NTN1: variants seen among roughly 807,000 people sequenced by gnomAD.
NTN1 encodes netrin 1.
Under a neutral mutation model 54.2 loss-of-function variants are expected in NTN1, and 11 were observed. That is an observed-to-expected ratio of 0.20 (90% CI 0.13 to 0.34). The LOEUF (loss-of-function observed/expected upper bound fraction) is 0.34, where lower values mean the gene tolerates loss of function less well. Among genes scored for constraint, NTN1 ranks in the 10% least tolerant of loss-of-function variants. NTN1 has a pLI of 1.00. For synonymous variants in NTN1, 371 were observed against 382.0 expected, an observed-to-expected ratio of 0.97 and a Z score of 0.33; for missense variants, 740 against 893.1, an observed-to-expected ratio of 0.83 and a Z score of 2.18.
intron 2 of NTN1, among the ~76,000 whole-genome samples, chr17:9,062,555 GAA>G (rs909933787): frequency 6.6e-6 from 1 of 151,394 alleles, no homozygotes; most frequent in Non-Finnish European, 1.5e-5. Context: ...TTTAGCTAAG[GAA>G]AAAAAAGCCC....
intron 2 of NTN1, among the ~76,000 whole-genome samples, chr17:9,091,090 A>G (rs895630927): frequency 1.3e-5 from 2 of 152,218 alleles, no homozygotes; most frequent in Non-Finnish European, 2.9e-5. Flanking sequence ...CTCACTGCCT[A>G]CAATAACACC....
intron 2 of NTN1, among the ~76,000 whole-genome samples, chr17:9,145,013 G>A (rs75130666): frequency 0.032 from 4,862 of 152,334 alleles, 264 homozygotes; most frequent in African/African-American, 0.11. Flanking sequence ...AGGTGGAGCG[G>A]CGGGGGCCAG....
At chr17:9,122,401 A>T (rs912381735) in intron 2 of NTN1, among the ~76,000 whole-genome samples, 14 of 152,200 alleles carry the variant, frequency 9.2e-5, no homozygotes, top group African/African-American at 3.1e-4. Context: ...AGTTTGGTTC[A>T]TAACTAGCAA....
chr17:9,088,168 G>A (rs1265832441), intron 2 of NTN1, among the ~76,000 whole-genome samples: 1 of 152,244 alleles, frequency 6.6e-6, no homozygotes, highest in African/African-American at 2.4e-5. Flanking sequence ...GGGGCAGGAG[G>A]CGGGAGACAG....
At chr17:9,045,727 C>A (rs769092804) in intron 2 of NTN1, among the ~76,000 whole-genome samples, 24 of 152,048 alleles carry the variant, frequency 1.6e-4, no homozygotes, top group Non-Finnish European at 1.5e-5. Context: ...AGCCAGAAAA[C>A]AAATATTCAG....
At chr17:9,114,392 A>G (rs1184770342) in intron 2 of NTN1, among the ~76,000 whole-genome samples, 2 of 150,860 alleles carry the variant, frequency 1.3e-5, no homozygotes, top group African/African-American at 4.9e-5. Context: ...AAATGCATCT[A>G]TTTCTGTAGT....
At chr17:9,025,807 A>T in intron 2 of NTN1, among the ~76,000 whole-genome samples, 1 of 152,220 alleles carries the variant, frequency 6.6e-6, no homozygotes, top group East Asian at 1.9e-4. Flanking sequence ...GAGATATGTG[A>T]ATGAATTAGT....
At chr17:9,090,329 C>A (rs570364342) in intron 2 of NTN1, among the ~76,000 whole-genome samples, 1 of 152,122 alleles carries the variant, frequency 6.6e-6, no homozygotes, top group South Asian at 2.1e-4. Context: ...GCATGCACCA[C>A]CATGCCTGGC....
At chr17:9,178,053 TG>T (rs1484349472) in intron 3 of NTN1, among the ~76,000 whole-genome samples, 1 of 152,078 alleles carries the variant, frequency 6.6e-6, no homozygotes, top group Non-Finnish European at 1.5e-5. Context: ...CAAAATTAGC[TG>T]GGTGTGATGG....
intron 5 of NTN1, among the ~76,000 whole-genome samples, chr17:9,220,548 C>G (rs1290934870): frequency 6.6e-6 from 1 of 152,106 alleles, no homozygotes; most frequent in Non-Finnish European, 1.5e-5. Flanking sequence ...GCCCTGGAAT[C>G]CCCCAGTGAT....
chr17:9,221,147 T>TGGGCGCCCCC lies in NTN1; in HGVS notation c.1412-21_1412-20insGGGCGCCCCC. On this transcript the variant is annotated intron_variant, in intron 5 of 6. Coordinates refer to ENST00000173229, the MANE Select transcript of NTN1 (RefSeq NM_004822.3). The surrounding 1 kb of genome is among the most constrained non-coding windows in gnomAD (Gnocchi z 4.5). Reference sequence around the variant, plus strand: ...CAGCCTAATTAGTTTTTGTCTGTGCTCCCCCCCCACCCCCCTGCAGACTGC... The same window carrying TGGGCGCCCCC: ...CAGCCTAATTAGTTTTTGTCTGTGCTGGGCGCCCCCCCCCCCCCACCCCCCTGCAGACTGC... 1 of 1,303,814 alleles carries TGGGCGCCCCC rather than the reference T, an allele frequency of 7.7e-7. No individual in the cohort carries two copies. The highest frequency in any genetic ancestry group is 1.0e-6 in the Non-Finnish European group (1 of 952,884). 80.8% of individuals were successfully genotyped at this position (1,303,814 alleles called of 1,614,324 possible). A position where few individuals can be genotyped will look rare whatever the true frequency, so the allele number is the denominator to read the frequency against.
chr17:9,085,724 C>G (rs1251928568), intron 2 of NTN1, among the ~76,000 whole-genome samples: 2 of 152,178 alleles, frequency 1.3e-5, no homozygotes, highest in African/African-American at 4.8e-5. Flanking sequence ...CAGTTGGGTA[C>G]TCAAATGACA....
chr17:9,047,439 A>G (rs1368447894), intron 2 of NTN1, among the ~76,000 whole-genome samples: 1 of 152,222 alleles, frequency 6.6e-6, no homozygotes. Context: ...AGTAGAGTCC[A>G]TCTCAAGAAA....
chr17:9,161,327 T>C lies in NTN1; in HGVS notation c.1019-1486T>C, dbSNP rs142563176. Among the ~76,000 whole-genome samples, 112 of 152,284 alleles carry C rather than the reference T, an allele frequency of 7.4e-4. 1 individual carries two copies. The highest frequency in any genetic ancestry group is 2.6e-3 in the African/African-American group (110 of 41,538). On this transcript the variant is annotated intron_variant, in intron 2 of 6. Transcript: ENST00000173229. ...CCCCAGAGGGGCAGGCGAGGGGTCC[T>C]TGCACGTGGCTCTAGAAACAGACCA... is the stretch of plus-strand genomic sequence containing the variant.
chr17:9,204,290 T>TCTC (rs1555576159), intron 5 of NTN1, among the ~76,000 whole-genome samples: 142 of 143,536 alleles, frequency 9.9e-4, no homozygotes, highest in Admixed American at 1.9e-3. Flanking sequence ...CTCTATCTCT[T>TCTC]TCTCTCTCTC....
rs55880198 is a variant in NTN1 at position 9,096,366 on chromosome 17, C to CCTTTTTTTTTTT, written c.1019-66447_1019-66446insCTTTTTTTTTTT. Among the ~76,000 whole-genome samples, 109 of 91,534 alleles carry CCTTTTTTTTTTT rather than the reference C, an allele frequency of 1.2e-3. 19 individuals carry two copies. Among genetic ancestry groups the CCTTTTTTTTTTT allele is most frequent in the East Asian group, 2.5e-3 (6 of 2,442 alleles). 60.0% of individuals were successfully genotyped at this position (91,534 alleles called of 152,430 possible). On this transcript the variant is annotated intron_variant, in intron 2 of 6. Transcript: ENST00000173229. Reference sequence around the variant, plus strand: ...TGTCTTCCTGGGTTTTATGGGTAGACTTTTTTTTTTTTTTTTTTTTTTGAG... The same window carrying CCTTTTTTTTTTT: ...TGTCTTCCTGGGTTTTATGGGTAGACCTTTTTTTTTTTTTTTTTTTTTTTTTTTTTTTTTGAG...
chr17:9,082,260 C>T (rs2092073780), intron 2 of NTN1, among the ~76,000 whole-genome samples: 1 of 152,146 alleles, frequency 6.6e-6, no homozygotes, highest in African/African-American at 2.4e-5. Context: ...GGGGTTTTGC[C>T]ACGTTGGCTA....
intron 2 of NTN1, among the ~76,000 whole-genome samples, chr17:9,100,915 A>G (rs1425357206): frequency 1.3e-5 from 2 of 152,096 alleles, no homozygotes; most frequent in East Asian, 1.9e-4. Flanking sequence ...TCTTTGTTTT[A>G]GTTCATGCTG....
At chr17:9,091,969 C>T (rs1424821861) in intron 2 of NTN1, among the ~76,000 whole-genome samples, 1 of 152,062 alleles carries the variant, frequency 6.6e-6, no homozygotes, top group Non-Finnish European at 1.5e-5. Flanking sequence ...CAGTAGTTGT[C>T]CTTCGGTGAC....
Sources: gnomAD v4.1 joint callset for allele counts (sites outside exome capture counted in the v4.1 genomes callset) on GRCh38, gnomAD v4.1.1 for gene constraint, Gnocchi (gnomAD v3.1) non-coding constraint, MANE v1.5 for transcripts, NCBI Gene and HGNC (gene_info 2026-07-23, HGNC 2026-07-21) for gene names.